AKAP9: variants seen among roughly 807,000 people sequenced by gnomAD.
AKAP9 encodes the protein A-kinase anchor protein 9.
Under a neutral mutation model 488.5 loss-of-function variants are expected in AKAP9, and 311 were observed. That is an observed-to-expected ratio of 0.64 (90% confidence interval 0.58 to 0.70). The LOEUF is 0.70. AKAP9 is among the 30% of genes least tolerant of loss of function. The pLI is 0.00. For missense variants in AKAP9, 4,215 were observed against 4,374.5 expected (o/e 0.96, Z 1.03); for synonymous variants, 1,462 against 1,483.5 (o/e 0.99, Z 0.33).
At chr7:92,059,401 ATT>A (rs992817757) in intron 22 of AKAP9, among the ~76,000 whole-genome samples, 1 of 149,214 alleles carries the variant, frequency 6.7e-6, no homozygotes, top group Non-Finnish European at 1.5e-5. Context: ...AATAAATGAC[ATT>A]TTTTTTTGCT....
intron 1 of AKAP9, among the ~76,000 whole-genome samples, chr7:91,964,977 G>T (rs1562905329): frequency 6.6e-6 from 1 of 152,068 alleles, no homozygotes; most frequent in Non-Finnish European, 1.5e-5. Context: ...AGTTTGTAAG[G>T]ATCAAATCAG....
intron 38 of AKAP9, chr7:92,090,195 G>A (rs1815300230): frequency 6.6e-6 from 1 of 151,988 alleles, no homozygotes; most frequent in South Asian, 2.1e-4. Flanking sequence ...TCACCTCTCT[G>A]TAACATTCTT....
At chr7:92,080,311 A>G (rs542091571) in intron 31 of AKAP9, among the ~76,000 whole-genome samples, 159 bp downstream of exon 31, 1 of 152,314 alleles carries the variant, frequency 6.6e-6, no homozygotes, top group East Asian at 1.9e-4. Context: ...GTTAAAAGAA[A>G]AACTAGGACA....
intron 19 of AKAP9, 66 bp downstream of exon 19, chr7:92,042,252 G>A: frequency 6.2e-7 from 1 of 1,602,248 alleles, no homozygotes; most frequent in Non-Finnish European, 8.5e-7. Flanking sequence ...GTTTGTCTTT[G>A]TTGTTGGTAT....
chr7:92,058,847 G>A (rs1809263550), intron 22 of AKAP9, among the ~76,000 whole-genome samples: 1 of 151,826 alleles, frequency 6.6e-6, no homozygotes, highest in African/African-American at 2.4e-5. Flanking sequence ...AAGGAAGCTT[G>A]GGTTCTAATT....
At chr7:92,100,039 A>G in intron 44 of AKAP9, 170 bp downstream of exon 44, 1 of 605,568 alleles carries the variant, frequency 1.7e-6, no homozygotes, top group East Asian at 3.0e-5. Flanking sequence ...CTAAGTTATA[A>G]TAATTACTGT....
chr7:92,042,579 A>C, intron 19 of AKAP9, 89 bp from the exon 20 acceptor site: 1 of 907,028 alleles, frequency 1.1e-6, no homozygotes, highest in Admixed American at 2.0e-5. Context: ...ATTTTATCTC[A>C]TACCAATATA....
At chr7:91,989,911 A>T (rs1359207515) in intron 3 of AKAP9, among the ~76,000 whole-genome samples, 1 of 152,052 alleles carries the variant, frequency 6.6e-6, no homozygotes, top group Non-Finnish European at 1.5e-5. Context: ...ATGAGTTTTT[A>T]TGTGAAGGCC....
chr7:92,018,395 AACACACACACACACACACACACACAC>A (rs56394853), intron 12 of AKAP9, among the ~76,000 whole-genome samples: 1 of 120,610 alleles, frequency 8.3e-6, no homozygotes, highest in Non-Finnish European at 1.7e-5. Context: ...CTAAAAATAT[AACACACACACACACACACACACACAC>A]ACACACACAC....
At chr7:91,949,643 C>A (rs1318750221) in intron 1 of AKAP9, among the ~76,000 whole-genome samples, 2 of 152,178 alleles carry the variant, frequency 1.3e-5, no homozygotes, top group South Asian at 2.1e-4. Context: ...CTGTAACTTA[C>A]AACACTTAGT....
In AKAP9 at chr7:92,099,799, T is replaced by A. The variant is rs769973336; in HGVS notation, c.10826T>A (p.Leu3609Ter). 2.5e-6 allele frequency: 4 copies of A among 1,613,936 alleles called. No individual in the cohort carries two copies. Residue 3609 changes from leucine (L) to a stop codon, truncating the protein, a stop_gained, in exon 44 of 50, where the codon TTA becomes TAA. Coordinates refer to ENST00000356239, the MANE Select transcript of AKAP9 (RefSeq NM_005751.5). LOFTEE classifies it high-confidence loss of function. ...ISQLTEEKNDLRNMVMKLEEQ... is the reference protein window; with the variant it reads ...ISQLTEEKND ...CAACTGACTGAAGAGAAGAATGACTTAAGGAACATGGTTATGAAGCTGGAA... is the reference window on the plus strand; with the variant it reads ...CAACTGACTGAAGAGAAGAATGACTAAAGGAACATGGTTATGAAGCTGGAA...
intron 26 of AKAP9, among the ~76,000 whole-genome samples, chr7:92,068,122 A>G (rs1811052997): frequency 6.6e-6 from 1 of 151,938 alleles, no homozygotes; most frequent in Non-Finnish European, 1.5e-5. Flanking sequence ...GCACTTTGGG[A>G]GGCCGAGGTG....
chr7:92,055,840 A>G (rs1450756484), intron 22 of AKAP9, among the ~76,000 whole-genome samples: 1 of 152,024 alleles, frequency 6.6e-6, no homozygotes, highest in Non-Finnish European at 1.5e-5. Flanking sequence ...GTATGCCACT[A>G]TCCTGAATCA....
intron 14 of AKAP9, among the ~76,000 whole-genome samples, chr7:92,029,342 T>G (rs545463612): frequency 8.5e-5 from 13 of 152,308 alleles, no homozygotes; most frequent in Middle Eastern, 6.8e-3. Context: ...AGGTAAACAT[T>G]GTTACTTTCG....
chr7:92,076,654 T>C (rs1246373839), intron 28 of AKAP9, among the ~76,000 whole-genome samples: 1 of 152,192 alleles, frequency 6.6e-6, no homozygotes, highest in Non-Finnish European at 1.5e-5. Context: ...TAGGATAGTT[T>C]AAGGATGGCC....
Position 92,107,290 on chromosome 7 carries a change from T to C in AKAP9, c.11417-3T>C, listed in dbSNP as rs1452174455. On this transcript the variant is annotated splice_polypyrimidine_tract_variant and splice_region_variant and intron_variant, in intron 47 of 49. Coordinates refer to ENST00000356239, the MANE Select transcript of AKAP9 (RefSeq NM_005751.5). ...TTACAAGGAATATTTTGGGTTACTT[T>C]AGGTGCAGAAAAGACTGACTCATTT... 6.2e-7 allele frequency: 1 copy of C among 1,613,962 alleles called. No individual in the cohort carries two copies. Among genetic ancestry groups the C allele is most frequent in the Non-Finnish European group, 8.5e-7 (1 of 1,179,952 alleles).
chr7:92,022,411 C>T, intron 13 of AKAP9, 59 bp downstream of exon 13: 1 of 1,221,682 alleles, frequency 8.2e-7, no homozygotes, highest in Non-Finnish European at 1.2e-6. Context: ...GAGTAATTTG[C>T]TTTTTTACTT....
At chr7:92,060,365 T>TA (rs1295069505) in intron 22 of AKAP9, among the ~76,000 whole-genome samples, 4 of 152,278 alleles carry the variant, frequency 2.6e-5, no homozygotes, top group African/African-American at 9.6e-5. Flanking sequence ...GATTTCTTCT[T>TA]ACAATTTTTG....
In AKAP9 at chr7:92,086,315, C is replaced by T. The variant is rs753467156; in HGVS notation, c.9112C>T (p.Arg3038Cys). 32 of 1,614,032 alleles carry T rather than the reference C, an allele frequency of 2.0e-5. No individual in the cohort carries two copies. Among genetic ancestry groups the T allele is most frequent in the East Asian group, 4.5e-5 (2 of 44,864 alleles). Residue 3038 changes from arginine to cysteine, a missense_variant, in exon 37 of 50, where the codon CGT (arginine) becomes TGT (cysteine). By Grantham distance (180) the Arg-to-Cys change is radical (BLOSUM62 -3). Coordinates refer to ENST00000356239, the MANE Select transcript of AKAP9 (RefSeq NM_005751.5). ...LALQQVFLEE[R>C]SVLLAAFRTE... is the part of the protein sequence containing the mutation. The stretch of plus-strand genomic sequence containing the variant: ...CCTTCAACAAGTTTTCTTAGAAGAG[C>T]GTAGTGTTTTACTAGCAGCATTTCG...
Sources: allele counts gnomAD v4.1 joint callset (sites outside exome capture counted in the v4.1 genomes callset), GRCh38; gene constraint gnomAD v4.1.1; transcripts MANE v1.5; gene names NCBI Gene and HGNC (gene_info 2026-07-23, HGNC 2026-07-21).